Variants in ATXN1 observed in about 807,000 individuals in gnomAD.
ATXN1 encodes the protein ataxin 1, also known as ataxin-1.
ATXN1 carries 8 observed loss-of-function variants against 56.4 expected under a neutral mutation model. The observed-to-expected ratio is 0.14, with a 90% CI of 0.08 to 0.26. The LOEUF (loss-of-function observed/expected upper bound fraction) is 0.26, where lower values mean the gene tolerates loss of function less well. Ranked by LOEUF, ATXN1 falls within the 10% of genes least tolerant of loss-of-function variation. The probability of loss-of-function intolerance (pLI) is 1.00; values close to 1 mark genes in which losing one functional copy is unlikely to be tolerated. For missense variants in ATXN1, 987 were observed against 1,106.5 expected (o/e 0.89, Z 1.53); for synonymous variants, 514 against 494.6 (o/e 1.04, Z -0.52).
At chr6:16,544,053 G>A (rs1021826268) in intron 4 of ATXN1, among the ~76,000 whole-genome samples, 2 of 152,212 alleles carry the variant, frequency 1.3e-5, no homozygotes, top group Non-Finnish European at 2.9e-5. Flanking sequence ...AGTCCTGGGT[G>A]TGCCATCCTG....
chr6:16,555,520 C>T (rs1405380824), intron 4 of ATXN1, among the ~76,000 whole-genome samples: 1 of 152,168 alleles, frequency 6.6e-6, no homozygotes. Context: ...TCGCCTAAGA[C>T]ACCCACCCAG....
rs1432579242 is a variant in ATXN1 at position 16,303,932 on chromosome 6, G to A, written c.*2397C>T. The A allele has an allele frequency of 2.0e-5, 3 of 152,612 alleles. No homozygotes were observed. Among genetic ancestry groups the A allele is most frequent in the Admixed American group, 6.5e-5 (1 of 15,274 alleles). The allele number at this position is 152,612 out of a possible 1,614,324, so 9.5% of individuals were successfully genotyped here. A position where few individuals can be genotyped will look rare whatever the true frequency, so the allele number is the denominator to read the frequency against. ...TTAAGCAAGTTCTCTGAACAGAAAC[G>A]TTTAAAAAATACAGCACTAAATAAG... On this transcript the variant is annotated 3_prime_UTR_variant, in exon 8 of 8. Coordinates refer to ENST00000436367, the MANE Select transcript of ATXN1 (RefSeq NM_001128164.2). The surrounding 1 kb of genome is among the most constrained non-coding windows in gnomAD (Gnocchi z 4.3).
At chr6:16,722,711 C>T (rs10434861) in intron 2 of ATXN1, among the ~76,000 whole-genome samples, 11,715 of 152,274 alleles carry the variant, frequency 0.077, 539 homozygotes, top group East Asian at 0.19. Context: ...AAACCTGAGT[C>T]TCTATTGGCT....
At chr6:16,604,575 TTTTG>T (rs1005926672) in intron 3 of ATXN1, among the ~76,000 whole-genome samples, 5 of 151,100 alleles carry the variant, frequency 3.3e-5, no homozygotes, top group Admixed American at 3.3e-4. Context: ...GACAACTGGA[TTTTG>T]TTTCTCTTCT....
At chr6:16,678,124 T>G (rs1758724653) in intron 2 of ATXN1, among the ~76,000 whole-genome samples, 1 of 152,254 alleles carries the variant, frequency 6.6e-6, no homozygotes, top group South Asian at 2.1e-4. Flanking sequence ...TGCCATTGCA[T>G]GGCAAAAATG....
intron 4 of ATXN1, among the ~76,000 whole-genome samples, chr6:16,574,707 T>C (rs1581854707): frequency 6.6e-6 from 1 of 152,024 alleles, no homozygotes; most frequent in African/African-American, 2.4e-5. Flanking sequence ...CCCCCTATAT[T>C]AACAGCTTAC....
At chr6:16,669,522 C>T (rs1581348867) in intron 2 of ATXN1, among the ~76,000 whole-genome samples, 3 of 152,172 alleles carry the variant, frequency 2.0e-5, no homozygotes, top group Admixed American at 2.0e-4. Flanking sequence ...GCACTGTTCT[C>T]TTTTTCCATC....
At chr6:16,621,140 G>A (rs986622026) in intron 3 of ATXN1, among the ~76,000 whole-genome samples, 4 of 152,182 alleles carry the variant, frequency 2.6e-5, no homozygotes, top group African/African-American at 7.2e-5. Context: ...GCACCTGTTC[G>A]GAGCCCAAGG....
chr6:16,609,064 C>T (rs1424775001), intron 3 of ATXN1, among the ~76,000 whole-genome samples: 1 of 152,074 alleles, frequency 6.6e-6, no homozygotes, highest in East Asian at 1.9e-4. Flanking sequence ...GTTAGATAGA[C>T]CAGAGAAAGC....
chr6:16,706,409 C>A (rs1285320912), intron 2 of ATXN1, among the ~76,000 whole-genome samples: 3 of 152,042 alleles, frequency 2.0e-5, no homozygotes, highest in Non-Finnish European at 4.4e-5. Context: ...GAACGAGAGG[C>A]AGAGAGAAAG....
intron 2 of ATXN1, among the ~76,000 whole-genome samples, chr6:16,679,017 C>G (rs537469025): frequency 2.1e-5 from 3 of 143,216 alleles, no homozygotes; most frequent in African/African-American, 7.8e-5. Context: ...GCCTGGGCAA[C>G]AAGAGTGAAA....
chr6:16,571,231 A>G (rs1277132980), intron 4 of ATXN1, among the ~76,000 whole-genome samples: 1 of 152,030 alleles, frequency 6.6e-6, no homozygotes, highest in Non-Finnish European at 1.5e-5. Flanking sequence ...GCTGGTATAT[A>G]TGGGTCTGTG....
rs1391732034 is a variant in ATXN1 at position 16,725,249 on chromosome 6, T to C, written c.-615+27984A>G. On this transcript the variant is annotated intron_variant, in intron 2 of 7. Transcript: ENST00000436367. The stretch of plus-strand genomic sequence containing the variant: ...CCTTCTTAAGTACGAGAGCTGAGTT[T>C]TCTGTGTTTATTTAGGTTTCGAGAA... Among the ~76,000 whole-genome samples, 4 of 152,330 alleles carry C rather than the reference T, an allele frequency of 2.6e-5. No individual in the cohort carries two copies. In the Middle Eastern group the frequency reaches 0.014, roughly 518 times the overall value.
rs1760238232 is a variant in ATXN1 at position 16,306,036 on chromosome 6, G to T, written c.*293C>A. On this transcript the variant is annotated 3_prime_UTR_variant, in exon 8 of 8. Transcript: ENST00000436367. This position sits in a 1 kb window ranked among gnomAD's most constrained non-coding sequence, Gnocchi z 5.2. ...CAGCGCCCCCGGCTGCTTCTGTGCC[G>T]CTAGAGAAGGCAGGCACTGTGAAGC... 3.7e-6 allele frequency: 1 copy of T among 269,576 alleles called. No homozygotes were observed. Among genetic ancestry groups the T allele is most frequent in the Non-Finnish European group, 7.2e-6 (1 of 139,340 alleles). The allele number at this position is 269,576 out of a possible 1,614,324, so 16.7% of individuals were successfully genotyped here.
chr6:16,537,509 G>A (rs1761623868), intron 4 of ATXN1, among the ~76,000 whole-genome samples: 1 of 150,712 alleles, frequency 6.6e-6, no homozygotes, highest in African/African-American at 2.4e-5. Context: ...GTTCAAGATG[G>A]GCTTGGTCAG....
intron 5 of ATXN1, among the ~76,000 whole-genome samples, chr6:16,490,926 C>A (rs955532171): frequency 2.6e-5 from 4 of 152,116 alleles, no homozygotes; most frequent in Non-Finnish European, 5.9e-5. Flanking sequence ...ACCACGGGAG[C>A]ATGATGCTAC....
At chr6:16,618,551 C>T (rs1428861629) in intron 3 of ATXN1, among the ~76,000 whole-genome samples, 2 of 151,952 alleles carry the variant, frequency 1.3e-5, no homozygotes, top group African/African-American at 4.8e-5. Flanking sequence ...GCCAACATGG[C>T]GAAACCCCAT....
intron 6 of ATXN1, among the ~76,000 whole-genome samples, chr6:16,391,093 C>T (rs1286670720): frequency 2.2e-5 from 3 of 133,402 alleles, no homozygotes; most frequent in South Asian, 2.5e-4. Flanking sequence ...ACCTGGGAGG[C>T]GGAGGTTGCA....
At chr6:16,441,684 G>A (rs1358898390) in intron 6 of ATXN1, among the ~76,000 whole-genome samples, 1 of 152,182 alleles carries the variant, frequency 6.6e-6, no homozygotes, top group African/African-American at 2.4e-5. Context: ...GCAAAAGAAC[G>A]TGGGAAAGAA....
Sources: gnomAD v4.1 joint callset for allele counts (sites outside exome capture counted in the v4.1 genomes callset) on GRCh38, gnomAD v4.1.1 for gene constraint, Gnocchi (gnomAD v3.1) non-coding constraint, MANE v1.5 for transcripts, NCBI Gene and HGNC (gene_info 2026-07-23, HGNC 2026-07-21) for gene names.